Variants in PWWP2A observed in about 807,000 individuals in gnomAD.
PWWP2A encodes the protein PWWP domain containing 2A, also known as PWWP domain-containing protein 2A.
In PWWP2A, 18 loss-of-function variants were observed where a neutral mutation model predicts 48.5. The ratio of observed to expected loss-of-function variants is 0.37; its 90% confidence interval spans 0.26 to 0.55. PWWP2A has a LOEUF of 0.55. Among genes scored for constraint, PWWP2A ranks in the 20% least tolerant of loss-of-function variants. The pLI, the probability that PWWP2A is intolerant of heterozygous loss-of-function variation, is 0.81. For synonymous variants in PWWP2A, 396 were observed against 387.7 expected (o/e 1.02, Z -0.25); for missense variants, 867 against 976.4 (o/e 0.89, Z 1.49).
At chr5:160,067,311 A>G (rs187725927) in intron 2 of PWWP2A, among the ~76,000 whole-genome samples, 32 of 152,286 alleles carry the variant, frequency 2.1e-4, no homozygotes, top group Middle Eastern at 3.4e-3. Context: ...AATAGCTTTC[A>G]TAATACAAAA....
At chr5:160,081,346 C>T (rs960224773) in intron 2 of PWWP2A, among the ~76,000 whole-genome samples, 8 of 146,286 alleles carry the variant, frequency 5.5e-5, no homozygotes, top group Non-Finnish European at 8.9e-5. Flanking sequence ...TCAAGTGATT[C>T]TCCTGCCTCA....
intron 1 of PWWP2A, among the ~76,000 whole-genome samples, chr5:160,110,265 C>G (rs1741976587): frequency 6.6e-6 from 1 of 152,094 alleles, no homozygotes; most frequent in Non-Finnish European, 1.5e-5. Context: ...TTCAAGGGAT[C>G]CACCTGCCTC....
At chr5:160,068,358 A>G (rs766831154) in intron 2 of PWWP2A, among the ~76,000 whole-genome samples, 29 of 152,176 alleles carry the variant, frequency 1.9e-4, no homozygotes, top group Non-Finnish European at 3.2e-4. Context: ...CCAGCACTCT[A>G]GGAGGCTGAG....
intron 2 of PWWP2A, among the ~76,000 whole-genome samples, chr5:160,070,431 C>T (rs1180539743): frequency 2.0e-5 from 3 of 152,088 alleles, no homozygotes; most frequent in Admixed American, 6.5e-5. Flanking sequence ...TATGACCGAG[C>T]CACCACACTC....
rs945411249 is a variant in PWWP2A, at chr5:160,119,202, C to A, written c.187G>T (p.Ala63Ser). The A allele has an allele frequency of 6.9e-7, 1 of 1,457,298 alleles. No homozygotes were observed. The highest frequency in any genetic ancestry group is 2.7e-5 in the East Asian group (1 of 36,592). 90.3% of individuals were successfully genotyped at this position (1,457,298 alleles called of 1,614,324 possible). A position where few individuals can be genotyped will look rare whatever the true frequency, so the allele number is the denominator to read the frequency against. Reference protein sequence around the residue: ...ETDGQQSAPQADEPPLPPPPP... With the variant: ...ETDGQQSAPQSDEPPLPPPPP... ...GGCGGCGGGAGCGGCGGCTCGTCGG[C>A]CTGAGGAGCGGATTGCTGCCCGTCA... The change falls in exon 1 of 2, where the codon GCC becomes TCC. Residue 63 changes from alanine to serine, a missense_variant. Physicochemically the swap from Ala to Ser is moderately conservative, Grantham distance 99 (BLOSUM62 1). Transcript: ENST00000307063.
intron 1 of PWWP2A, among the ~76,000 whole-genome samples, chr5:160,112,589 C>T (rs369435109): frequency 2.6e-5 from 4 of 152,016 alleles, no homozygotes; most frequent in South Asian, 2.1e-4. Context: ...TAAAAATATC[C>T]TCAAAATTAC....
chr5:160,105,433 G>A lies in PWWP2A; in HGVS notation c.585-11368C>T, dbSNP rs182872395. On this transcript the variant is annotated intron_variant, in intron 1 of 1. Transcript: ENST00000307063. ...CACGCCTGTAGTCCCAGCTACTCGG[G>A]AGGCTGAGGCAGGAGAATCGCCTGA... Among the ~76,000 whole-genome samples, 35 of 151,428 alleles carry A rather than the reference G, an allele frequency of 2.3e-4. No individual in the cohort carries two copies. The East Asian group carries it at 6.4e-3, about 28-fold the overall frequency.
At chr5:160,087,448 A>T (rs1049354636), downstream of PWWP2A, among the ~76,000 whole-genome samples, 3 of 151,834 alleles carry the variant, frequency 2.0e-5, no homozygotes, top group African/African-American at 7.3e-5. Context: ...ATTTCCTTGT[A>T]TAGGACTACA....
downstream of PWWP2A, among the ~76,000 whole-genome samples, chr5:160,086,541 C>T (rs1469400168): frequency 1.3e-5 from 2 of 151,662 alleles, no homozygotes; most frequent in African/African-American, 4.9e-5. Context: ...TATATATATA[C>T]ACACATTTTT....
intron 1 of PWWP2A, among the ~76,000 whole-genome samples, chr5:160,094,727 T>A (rs779548863): frequency 6.6e-6 from 1 of 152,070 alleles, no homozygotes; most frequent in South Asian, 2.1e-4. Context: ...CATTAAGAAA[T>A]ATATTTGCAT....
In PWWP2A at chr5:160,094,069, T is replaced by G. The variant is rs1581202897; in HGVS notation, c.585-4A>C. On this transcript the variant is annotated splice_region_variant and splice_polypyrimidine_tract_variant and intron_variant, in intron 1 of 1. Transcript: ENST00000307063. ...AGGGATACCATGGGGCCCAAACCTT[T>G]GAAAGAAATGGAAGAAAAAAAGAAG... The G allele has an allele frequency of 6.4e-7, 1 of 1,574,072 alleles. No homozygotes were observed. Among genetic ancestry groups the G allele is most frequent in the East Asian group, 2.3e-5 (1 of 44,372 alleles).
chr5:160,099,134 G>A (rs965968891), intron 1 of PWWP2A, among the ~76,000 whole-genome samples: 2 of 152,176 alleles, frequency 1.3e-5, no homozygotes, highest in Non-Finnish European at 2.9e-5. Context: ...CTTTTTCTAA[G>A]GGAAGACATT....
chr5:160,103,054 T>C (rs1041238981), intron 1 of PWWP2A, among the ~76,000 whole-genome samples: 4 of 152,218 alleles, frequency 2.6e-5, no homozygotes, highest in Non-Finnish European at 4.4e-5. Context: ...AGAAAAGAAA[T>C]GCTCCAGCAT....
At chr5:160,105,254 A>C (rs1412500436) in intron 1 of PWWP2A, among the ~76,000 whole-genome samples, 2 of 150,554 alleles carry the variant, frequency 1.3e-5, no homozygotes, top group South Asian at 2.1e-4. Context: ...AAAAAAAAAA[A>C]AAAAAAAAAA....
At chr5:160,051,082 G>GTTT in the PWWP2A span, 116 of 1,236,422 alleles carry the variant, frequency 9.4e-5, no homozygotes, top group South Asian at 3.3e-4. Context: ...AAAGGTTTTG[G>GTTT]TTTTTTTTTT....
chr5:160,115,568 C>T (rs1338433067), intron 1 of PWWP2A, among the ~76,000 whole-genome samples: 1 of 151,846 alleles, frequency 6.6e-6, no homozygotes, highest in Non-Finnish European at 1.5e-5. Context: ...TGGCGGGCAC[C>T]TGTAATCCCA....
intron 1 of PWWP2A, among the ~76,000 whole-genome samples, chr5:160,095,031 G>A (rs891630327): frequency 2.2e-5 from 2 of 90,930 alleles, no homozygotes; most frequent in Non-Finnish European, 3.9e-5. Context: ...CTGGGCAACA[G>A]AGCAAGACTC....
the PWWP2A span, among the ~76,000 whole-genome samples, chr5:160,046,008 T>C: frequency 1.3e-4 from 20 of 152,168 alleles, no homozygotes; most frequent in Non-Finnish European, 2.2e-4. Context: ...CCCAAAGTGC[T>C]GAGATTACAG....
chr5:160,059,266 CT>C (rs1311225727), downstream of PWWP2A, among the ~76,000 whole-genome samples: 2 of 152,216 alleles, frequency 1.3e-5, no homozygotes, highest in Non-Finnish European at 2.9e-5. Context: ...TTCTGAATAA[CT>C]TTTTGCAGCT....
Sources: allele counts gnomAD v4.1 joint callset (sites outside exome capture counted in the v4.1 genomes callset), GRCh38; gene constraint gnomAD v4.1.1; transcripts MANE v1.5; gene names NCBI Gene and HGNC (gene_info 2026-07-23, HGNC 2026-07-21).